Variants in CA9 observed in about 807,000 individuals in gnomAD.
CA9 encodes carbonic anhydrase 9, also known as CA-IX.
CA9 carries 43 observed loss-of-function variants against 51.8 expected under a neutral mutation model. That is an observed-to-expected ratio of 0.83 (90% confidence interval 0.65 to 1.07). The LOEUF (loss-of-function observed/expected upper bound fraction) is 1.07, where lower values mean the gene tolerates loss of function less well. Among genes scored for constraint, CA9 ranks in the 50% least tolerant of loss-of-function variants. The pLI, the probability that CA9 is intolerant of heterozygous loss-of-function variation, is 0.00. For synonymous variants in CA9, 253 were observed against 244.2 expected, an observed-to-expected ratio of 1.04 and a Z score of -0.34; for missense variants, 574 against 581.4, an observed-to-expected ratio of 0.99 and a Z score of 0.13.
chr9:35,675,382 T>G, intron 1 of CA9, 156 bp from the exon 2 acceptor site: 2 of 737,006 alleles, frequency 2.7e-6, no homozygotes, highest in Non-Finnish European at 4.7e-6. Flanking sequence ...CGGTGTTGAG[T>G]TTGGGTGCGG....
chr9:35,675,311 T>C, intron 1 of CA9: 1 of 596,470 alleles, frequency 1.7e-6, no homozygotes, highest in South Asian at 2.0e-5. Flanking sequence ...GCCACTCACT[T>C]TTACAGACCC....
At chr9:35,680,920 C>T in intron 10 of CA9, 45 bp from the exon 11 acceptor site, 1 of 1,612,314 alleles carries the variant, frequency 6.2e-7, no homozygotes, top group East Asian at 2.2e-5. Context: ...ATGAGCTGCT[C>T]CTGGGCCAGT....
rs2131835824 is a variant in CA9, at chr9:35,675,938, G to T, written c.604+7G>T. The T allele has an allele frequency of 6.2e-7, 1 of 1,600,352 alleles. No homozygotes were observed. The highest frequency in any genetic ancestry group is 1.3e-5 in the African/African-American group (1 of 74,762). Reference sequence around the variant, plus strand: ...CGCAACAATGGCCACAGTGGTGAGGGGGTCTCCCCGCCGAGACTTGGGGAT... The same window carrying T: ...CGCAACAATGGCCACAGTGGTGAGGTGGTCTCCCCGCCGAGACTTGGGGAT... On this transcript the variant is annotated splice_region_variant and intron_variant, in intron 3 of 10. Coordinates refer to ENST00000378357, the MANE Select transcript of CA9 (RefSeq NM_001216.3).
chr9:35,675,811 T>G lies in CA9; in HGVS notation c.484T>G (p.Ser162Ala). The change falls in exon 3 of 11, where the codon TCC becomes GCC. Residue 162 changes from serine (S) to alanine (A), a missense_variant. Coordinates refer to ENST00000378357, the MANE Select transcript of CA9 (RefSeq NM_001216.3). ...VSPACAGRFQ[S>A]PVDIRPQLAA... ...CCCAGCCTGCGCGGGCCGCTTCCAG[T>G]CCCCGGTGGATATCCGCCCCCAGCT... 6.2e-7 allele frequency: 1 copy of G among 1,603,474 alleles called. No individual in the cohort carries two copies. The highest frequency in any genetic ancestry group is 8.5e-7 in the Non-Finnish European group (1 of 1,179,404).
chr9:35,681,139 AAATAAATATTTATAATAAAAT>A (rs1824545062), exon 11 of CA9: 1 of 610,056 alleles, frequency 1.6e-6, no homozygotes, highest in African/African-American at 1.9e-5. Flanking sequence ...AAATTTTTTA[AAATAAATATTTATAATAAAAT>A]ATGTGTTAGT....
At chr9:35,676,869 A>G (rs1050201608) in intron 5 of CA9, among the ~76,000 whole-genome samples, 1 of 151,946 alleles carries the variant, frequency 6.6e-6, no homozygotes, top group South Asian at 2.1e-4. Context: ...TTATTTATTT[A>G]TTTTTTTGAC....
At chr9:35,675,658 T>TTGCCCC in intron 2 of CA9, 91 bp downstream of exon 2, 1 of 1,407,072 alleles carries the variant, frequency 7.1e-7, no homozygotes, top group Non-Finnish European at 1.0e-6. Flanking sequence ...GTCCCGGGCG[T>TTGCCCC]CCCACCCGCC....
Position 35,679,966 on chromosome 9 carries a change from G to A in CA9, c.1178G>A (p.Gly393Glu). The change falls in exon 8 of 11, where the codon GGA becomes GAA. Residue 393 changes from glycine to glutamate, a missense_variant. By Grantham distance (98) the Gly-to-Glu change is moderately conservative. Coordinates refer to ENST00000378357, the MANE Select transcript of CA9 (RefSeq NM_001216.3). ...GTGATTGAGGCCTCCTTCCCTGCTG[G>A]AGTGGACAGCAGTCCTCGGGCTGCT... is the stretch of plus-strand genomic sequence containing the variant. Reference protein sequence around the residue: ...GRVIEASFPAGVDSSPRAAEP... With the variant: ...GRVIEASFPAEVDSSPRAAEP... 6.2e-7 allele frequency: 1 copy of A among 1,614,214 alleles called. No homozygotes were observed. The highest frequency in any genetic ancestry group is 8.5e-7 in the Non-Finnish European group (1 of 1,180,038).
chr9:35,674,389 A>G (rs768612217), intron 1 of CA9, 27 bp downstream of exon 1: 10 of 1,579,842 alleles, frequency 6.3e-6, no homozygotes, highest in Non-Finnish European at 7.7e-6. Context: ...CTCCAAATCC[A>G]GGTTCCAGGA....
At chr9:35,678,695 CTTTTCT>C (rs1824472928) in intron 6 of CA9, among the ~76,000 whole-genome samples, 1 of 129,878 alleles carries the variant, frequency 7.7e-6, no homozygotes, top group East Asian at 2.1e-4. Flanking sequence ...TTTTTCTTTT[CTTTTCT>C]TTTTTTTTTT....
At chr9:35,675,672 C>CCCCCA in intron 2 of CA9, 89 bp from the exon 3 acceptor site, 1 of 1,424,100 alleles carries the variant, frequency 7.0e-7, no homozygotes, top group Non-Finnish European at 9.9e-7. Context: ...ACCCGCCGCC[C>CCCCCA]ACCGTCCCAC....
rs543776759 is a variant in CA9, at chr9:35,678,743, C to T, written c.908-442C>T. Among the ~76,000 whole-genome samples, 12 of 144,796 alleles carry T rather than the reference C, an allele frequency of 8.3e-5. No individual in the cohort carries two copies. The South Asian group carries it at 2.6e-3, about 31-fold the overall frequency. The allele number at this position is 144,796 out of a possible 152,430, so 95.0% of individuals were successfully genotyped here. On this transcript the variant is annotated intron_variant, in intron 6 of 10. Coordinates refer to ENST00000378357, the MANE Select transcript of CA9 (RefSeq NM_001216.3). ...ATCTTTAGTAGAGACAGGGTTTCACCATATTGGCCAGGCTGCTCTCAAACT... is the reference window on the plus strand; with the variant it reads ...ATCTTTAGTAGAGACAGGGTTTCACTATATTGGCCAGGCTGCTCTCAAACT...
At position 35,673,967 on chromosome 9, in the gene CA9, C is replaced by T. The variant is rs1239660315; in HGVS notation, c.8C>T (p.Pro3Leu). Residue 3 changes from proline (P) to leucine (L), a missense_variant, in exon 1 of 11, where the codon CCC becomes CTC. Physicochemically the swap from Pro to Leu is moderately conservative, Grantham distance 98. Coordinates refer to ENST00000378357, the MANE Select transcript of CA9 (RefSeq NM_001216.3). ...CACCCCACAGTCAGCCGCATGGCTCCCCTGTGCCCCAGCCCCTGGCTCCCT... is the reference window on the plus strand; with the variant it reads ...CACCCCACAGTCAGCCGCATGGCTCTCCTGTGCCCCAGCCCCTGGCTCCCT... MAPLCPSPWLPLL... is the reference protein window; with the variant it reads MALLCPSPWLPLL... The T allele has an allele frequency of 4.4e-6, 7 of 1,600,090 alleles. No individual in the cohort carries two copies. Among genetic ancestry groups the T allele is most frequent in the Non-Finnish European group, 6.0e-6 (7 of 1,172,536 alleles).
At position 35,675,936 on chromosome 9, in the gene CA9, G is replaced by A. The variant is rs1351628417; in HGVS notation, c.604+5G>A. The A allele has an allele frequency of 6.2e-7, 1 of 1,601,786 alleles. No individual in the cohort carries two copies. Among genetic ancestry groups the A allele is most frequent in the Admixed American group, 1.7e-5 (1 of 58,962 alleles). On this transcript the variant is annotated splice_donor_5th_base_variant and intron_variant, in intron 3 of 10. Coordinates refer to ENST00000378357, the MANE Select transcript of CA9 (RefSeq NM_001216.3). The stretch of plus-strand genomic sequence containing the variant: ...TGCGCAACAATGGCCACAGTGGTGA[G>A]GGGGTCTCCCCGCCGAGACTTGGGG...
chr9:35,676,515 C>G (rs187336941), intron 5 of CA9, 126 bp downstream of exon 5: 3 of 740,410 alleles, frequency 4.1e-6, no homozygotes, highest in African/African-American at 3.5e-5. Context: ...AACTCATTCA[C>G]GCACTGTTTG....
intron 9 of CA9, 85 bp from the exon 10 acceptor site, chr9:35,680,668 T>G (rs1587948105): frequency 1.9e-6 from 2 of 1,073,218 alleles, no homozygotes; most frequent in East Asian, 2.4e-5. Flanking sequence ...GGGGCAGGGG[T>G]GGTGGAGTGC....
In CA9 at chr9:35,676,362, C is replaced by A. The variant is rs1824423443; in HGVS notation, c.813C>A (p.Gly271=). The change falls in exon 5 of 11, where the codon GGC becomes GGA. Residue 271 remains glycine (G), a synonymous_variant. Transcript: ENST00000378357. ...ACGAGGCCTTGGGGCGCCCGGGAGG[C>A]CTGGCCGTGTTGGCCGCCTTTCTGG... ...RVDEALGRPG[G]LAVLAAFLEE... 6.2e-7 allele frequency: 1 copy of A among 1,613,726 alleles called. No individual in the cohort carries two copies. Among genetic ancestry groups the A allele is most frequent in the African/African-American group, 1.3e-5 (1 of 74,934 alleles).
At position 35,675,418 on chromosome 9, in the gene CA9, C is replaced by T. The variant is rs1824396057; in HGVS notation, c.404-120C>T. ...TCTCCTGTGCTTTGCACCTGGCCCGCTTAAGGCATTTGTTACCCGTAATGC... is the reference window on the plus strand; with the variant it reads ...TCTCCTGTGCTTTGCACCTGGCCCGTTTAAGGCATTTGTTACCCGTAATGC... On this transcript the variant is annotated intron_variant, in intron 1 of 10. Coordinates refer to ENST00000378357, the MANE Select transcript of CA9 (RefSeq NM_001216.3). 3.4e-6 allele frequency: 4 copies of T among 1,170,964 alleles called. No homozygotes were observed. The African/African-American group carries it at 4.5e-5, about 13-fold the overall frequency. 72.5% of individuals were successfully genotyped at this position (1,170,964 alleles called of 1,614,324 possible).
rs770274384 is a variant in CA9 at position 35,679,897 on chromosome 9, G to C, written c.1109G>C (p.Arg370Pro). 72 of 1,613,054 alleles carry C rather than the reference G, an allele frequency of 4.5e-5. No individual in the cohort carries two copies. The East Asian group carries it at 1.6e-3, about 35-fold the overall frequency. Residue 370 changes from arginine (R) to proline (P), a missense_variant, in exon 8 of 11, where the codon CGG becomes CCG. Arg to Pro is a moderately radical substitution (Grantham distance 103, BLOSUM62 -2). Transcript: ENST00000378357. ...ACCCTGTGGGGACCTGGTGACTCTC[G>C]GCTACAGCTGAACTTCCGAGCGACG... Reference protein sequence around the residue: ...SDTLWGPGDSRLQLNFRATQP... With the variant: ...SDTLWGPGDSPLQLNFRATQP...
Sources: allele counts gnomAD v4.1 joint callset (sites outside exome capture counted in the v4.1 genomes callset), GRCh38; gene constraint gnomAD v4.1.1; transcripts MANE v1.5; gene names NCBI Gene and HGNC (gene_info 2026-07-23, HGNC 2026-07-21).